The following ABCB8 variants were observed in gnomAD, a reference collection of about 807,000 sequenced individuals.
ABCB8 encodes mitochondrial potassium channel ATP-binding subunit.
A neutral mutation model predicts 73.0 loss-of-function variants in ABCB8; 52 were observed. The ratio of observed to expected loss-of-function variants is 0.71; its 90% CI spans 0.57 to 0.90. The LOEUF (loss-of-function observed/expected upper bound fraction) is 0.90, where lower values mean the gene tolerates loss of function less well. Ranked by LOEUF, ABCB8 falls within the 40% of genes least tolerant of loss-of-function variation. ABCB8 has a pLI of 0.00. For synonymous variants in ABCB8, 428 were observed against 423.5 expected, an observed-to-expected ratio of 1.01 and a Z score of -0.13; for missense variants, 909 against 974.6, an observed-to-expected ratio of 0.93 and a Z score of 0.90.
In ABCB8 at chr7:151,037,497, C is replaced by T. The variant is rs1796342242; in HGVS notation, c.1217+848C>T. The T allele has an allele frequency of 5.0e-6, 3 of 604,532 alleles. 1 individual carries two copies. The South Asian group carries it at 5.9e-5, about 12-fold the overall frequency. 37.4% of individuals were successfully genotyped at this position (604,532 alleles called of 1,614,324 possible). ...ACCAGACAGCTCAAGGCGGGCCTCC[C>T]CCCTCCTATCTCTTTCCAAGCTAAA... On this transcript the variant is annotated intron_variant, in intron 9 of 15. Coordinates refer to ENST00000358849, the MANE Select transcript of ABCB8 (RefSeq NM_007188.5).
intron 14 of ABCB8, among the ~76,000 whole-genome samples, chr7:151,042,994 G>A (rs1028561046): frequency 3.9e-5 from 6 of 152,240 alleles, no homozygotes; most frequent in Admixed American, 1.3e-4. Context: ...TTGGGGCTGC[G>A]TCCTTACTGA....
chr7:151,041,255 C>A, intron 13 of ABCB8, 23 bp downstream of exon 13: 1 of 1,584,668 alleles, frequency 6.3e-7, no homozygotes. Context: ...ATGGGCAGCC[C>A]TTGGCTCCCA....
At position 151,040,495 on chromosome 7, in the gene ABCB8, C is replaced by T. The variant is rs1171977413; in HGVS notation, c.1252-3C>T. On this transcript the variant is annotated splice_region_variant and splice_polypyrimidine_tract_variant and intron_variant, in intron 10 of 15. Transcript: ENST00000358849. ...CCTGCGGACTTTGGATCCCCTCCCA[C>T]AGGTGGTCCGGGGGCTGAGTGCAGG... 2 of 1,608,270 alleles carry T rather than the reference C, an allele frequency of 1.2e-6. No homozygotes were observed. The highest frequency in any genetic ancestry group is 1.7e-4 in the Middle Eastern group (1 of 6,042).
chr7:151,028,485 T>G lies in ABCB8; in HGVS notation c.-31T>G, dbSNP rs764067964. On this transcript the variant is annotated 5_prime_UTR_variant, in exon 1 of 16. Coordinates refer to ENST00000358849, the MANE Select transcript of ABCB8 (RefSeq NM_007188.5). ...CAGTGGGATGAGGGTGAAACTGCTA[T>G]TGCCGGCGGCTCCTGTTTTACCGCG... 1 of 1,599,372 alleles carries G rather than the reference T, an allele frequency of 6.3e-7. No homozygotes were observed. Among genetic ancestry groups the G allele is most frequent in the East Asian group, 2.3e-5 (1 of 44,350 alleles).
Position 151,045,450 on chromosome 7 carries a change from A to G in ABCB8, c.*101A>G. 7.5e-7 allele frequency: 1 copy of G among 1,331,382 alleles called. No homozygotes were observed. Among genetic ancestry groups the G allele is most frequent in the East Asian group, 3.0e-5 (1 of 33,856 alleles). The allele number at this position is 1,331,382 out of a possible 1,614,324, so 82.5% of individuals were successfully genotyped here. A position where few individuals can be genotyped will look rare whatever the true frequency, so the allele number is the denominator to read the frequency against. On this transcript the variant is annotated 3_prime_UTR_variant, in exon 16 of 16. Transcript: ENST00000358849. Reference sequence around the variant, plus strand: ...GGACTGAGCCCCCAGGAGGGCCAGCATGTGGAGAGTCGCTGCGGCTGCTCC... The same window carrying G: ...GGACTGAGCCCCCAGGAGGGCCAGCGTGTGGAGAGTCGCTGCGGCTGCTCC...
At position 151,030,753 on chromosome 7, in the gene ABCB8, A is replaced by G. The variant is rs761015723; in HGVS notation, c.95+2143A>G. 1.3e-3 allele frequency among the ~76,000 whole-genome samples: 196 copies of G among 152,242 alleles called. 4 individuals carry two copies. Among genetic ancestry groups the G allele is most frequent in the Non-Finnish European group, 2.5e-4 (17 of 68,028 alleles). On this transcript the variant is annotated intron_variant, in intron 1 of 15. Transcript: ENST00000358849. ...TCAGGAGTTCAAGACCAGCCTAGCC[A>G]ACATGGTGAAGCCCTGTCTGTACTA...
chr7:151,032,053 CCTT>C (rs1796179031), intron 1 of ABCB8, among the ~76,000 whole-genome samples: 1 of 152,166 alleles, frequency 6.6e-6, no homozygotes, highest in Non-Finnish European at 1.5e-5. Context: ...GTCTCTTTTC[CCTT>C]CTTGTAGGTC....
intron 14 of ABCB8, among the ~76,000 whole-genome samples, chr7:151,043,216 C>T (rs1372957325): frequency 1.3e-5 from 2 of 152,208 alleles, no homozygotes; most frequent in African/African-American, 2.4e-5. Flanking sequence ...GTCATCCTGG[C>T]CTGAGGCACT....
rs770694537 is a variant in ABCB8, at chr7:151,035,670, A to G, written c.855A>G (p.Thr285=). Residue 285 remains threonine (T), a synonymous_variant, in exon 6 of 16, where the codon ACA becomes ACG. Transcript: ENST00000358849. ...TCACGCTGCTGCTGATGGTGGCCAC[A>G]CCAGCCCTGATGGGAGTGGGCACCC... The part of the protein sequence containing the change: ...TRLTLLLMVA[T]PALMGVGTLM... 5 of 1,613,560 alleles carry G rather than the reference A, an allele frequency of 3.1e-6. No individual in the cohort carries two copies. The highest frequency in any genetic ancestry group is 4.2e-6 in the Non-Finnish European group (5 of 1,179,986).
rs533077733 is a variant in ABCB8, at chr7:151,045,474, C to G, written c.*125C>G. Reference sequence around the variant, plus strand: ...CATGTGGAGAGTCGCTGCGGCTGCTCCTGCTCACAATAAAGCCGGGGCCGA... The same window carrying G: ...CATGTGGAGAGTCGCTGCGGCTGCTGCTGCTCACAATAAAGCCGGGGCCGA... On this transcript the variant is annotated 3_prime_UTR_variant, in exon 16 of 16. Transcript: ENST00000358849. 82 of 1,227,558 alleles carry G rather than the reference C, an allele frequency of 6.7e-5. No homozygotes were observed. The East Asian group carries it at 1.4e-3, about 22-fold the overall frequency. The allele number at this position is 1,227,558 out of a possible 1,614,324, so 76.0% of individuals were successfully genotyped here. A position where few individuals can be genotyped will look rare whatever the true frequency, so the allele number is the denominator to read the frequency against.
At position 151,035,721 on chromosome 7, in the gene ABCB8, G is replaced by T. The variant is rs1239074379; in HGVS notation, c.906G>T (p.Leu302Phe). 2 of 1,613,428 alleles carry T rather than the reference G, an allele frequency of 1.2e-6. No homozygotes were observed. The highest frequency in any genetic ancestry group is 2.7e-5 in the African/African-American group (2 of 75,036). ...TGATGGGCTCAGGCCTCCGAAAATT[G>T]TCTCGCCAGTGTCAGGAGCAGGTAC... ...GTLMGSGLRK[L>F]SRQCQEQIAR... Residue 302 changes from leucine (L) to phenylalanine (F), a missense_variant, in exon 6 of 16, where the codon TTG (leucine) becomes TTT (phenylalanine). Leu to Phe is a conservative substitution (Grantham distance 22, BLOSUM62 0). Transcript: ENST00000358849.
intron 2 of ABCB8, 117 bp from the exon 3 acceptor site, chr7:151,034,156 C>A: frequency 7.7e-7 from 1 of 1,300,390 alleles, no homozygotes; most frequent in Non-Finnish European, 1.1e-6. Flanking sequence ...TGACCAGCCA[C>A]AACCTGGACA....
intron 10 of ABCB8, 39 bp from the exon 11 acceptor site, chr7:151,040,459 A>G: frequency 6.3e-6 from 10 of 1,591,646 alleles, no homozygotes; most frequent in Non-Finnish European, 8.6e-6. Context: ...TGTCACCCCT[A>G]CTCCTGCCTC....
intron 1 of ABCB8, chr7:151,031,589 A>G (rs940755333): frequency 1.1e-5 from 3 of 277,888 alleles, no homozygotes; most frequent in Admixed American, 9.5e-5. Flanking sequence ...TCTGCTCCCT[A>G]CAACCAGTCC....
In ABCB8 at chr7:151,028,526, A is replaced by G. The variant is rs751158127; in HGVS notation, c.11A>G (p.His4Arg). The G allele has an allele frequency of 7.4e-6, 12 of 1,613,582 alleles. No individual in the cohort carries two copies. The highest frequency in any genetic ancestry group is 2.2e-5 in the East Asian group (1 of 44,878). ...TTTTACCGCGTCAGCATGCTGGTGCATTTATTTCGGGTCGGGATTCGGGGT... is the reference window on the plus strand; with the variant it reads ...TTTTACCGCGTCAGCATGCTGGTGCGTTTATTTCGGGTCGGGATTCGGGGT... MLV[H>R]LFRVGIRGGP... The change falls in exon 1 of 16, where the codon CAT becomes CGT. Residue 4 changes from histidine (H) to arginine (R), a missense_variant. Coordinates refer to ENST00000358849, the MANE Select transcript of ABCB8 (RefSeq NM_007188.5).
At chr7:151,031,084 T>C (rs1171189446) in intron 1 of ABCB8, among the ~76,000 whole-genome samples, 1 of 152,224 alleles carries the variant, frequency 6.6e-6, no homozygotes, top group East Asian at 1.9e-4. Flanking sequence ...CCACAGTAAG[T>C]CTAAACATTT....
rs1796548224 is a variant in ABCB8 at position 151,044,072 on chromosome 7, A to G, written c.1867A>G (p.Ser623Gly). Residue 623 changes from serine to glycine, a missense_variant, in exon 15 of 16, where the codon AGC becomes GGC. Physicochemically the swap from Ser to Gly is moderately conservative, Grantham distance 56. Transcript: ENST00000358849. The stretch of plus-strand genomic sequence containing the variant: ...GGTGCTGATACTGGATGAAGCTACC[A>G]GCGCGCTGGATGCAGAGTCCGAGCG... ...PTVLILDEAT[S>G]ALDAESERVV... 1 of 1,613,584 alleles carries G rather than the reference A, an allele frequency of 6.2e-7. No homozygotes were observed. The highest frequency in any genetic ancestry group is 1.1e-5 in the South Asian group (1 of 91,092).
intron 1 of ABCB8, chr7:151,033,328 G>A: frequency 9.4e-7 from 1 of 1,059,424 alleles, no homozygotes; most frequent in Non-Finnish European, 1.3e-6. Flanking sequence ...AGGCTGCGAG[G>A]GCCCTGGCTG....
rs373760923 is a variant in ABCB8 at position 151,046,542 on chromosome 7, T to C, written c.*1193T>C. 2.0e-5 allele frequency: 3 copies of C among 152,242 alleles called. No homozygotes were observed. In the East Asian group the frequency reaches 5.8e-4, roughly 29 times the overall value. The allele number at this position is 152,242 out of a possible 1,614,324, so 9.4% of individuals were successfully genotyped here. A position where few individuals can be genotyped will look rare whatever the true frequency, so the allele number is the denominator to read the frequency against. ...GCTGCAGATGCATCAGCCCTCCCCA[T>C]GTTGGTGCCGCTGTCACTTCCTACT... is the stretch of plus-strand genomic sequence containing the variant. On this transcript the variant is annotated 3_prime_UTR_variant, in exon 16 of 16. Coordinates refer to ENST00000358849, the MANE Select transcript of ABCB8 (RefSeq NM_007188.5).
Sources: gnomAD v4.1 joint callset for allele counts (sites outside exome capture counted in the v4.1 genomes callset) on GRCh38, gnomAD v4.1.1 for gene constraint, MANE v1.5 for transcripts, NCBI Gene and HGNC (gene_info 2026-07-23, HGNC 2026-07-21) for gene names.